Variants in SPECC1 observed in about 807,000 individuals in gnomAD.
SPECC1 encodes sperm antigen with calponin homology and coiled-coil domains 1.
SPECC1 carries 62 observed loss-of-function variants against 104.1 expected under a neutral mutation model. The ratio of observed to expected loss-of-function variants is 0.60; its 90% CI spans 0.49 to 0.74. SPECC1 has a LOEUF of 0.74. Among genes scored for constraint, SPECC1 ranks in the 30% least tolerant of loss-of-function variants. SPECC1 has a pLI of 0.00. For synonymous variants in SPECC1, 513 were observed against 501.6 expected, an observed-to-expected ratio of 1.02 and a Z score of -0.30; for missense variants, 1,306 against 1,310.5, an observed-to-expected ratio of 1.00 and a Z score of 0.05.
intron 1 of SPECC1, among the ~76,000 whole-genome samples, chr17:20,074,424 G>A (rs2046677190): frequency 6.6e-6 from 1 of 152,114 alleles, no homozygotes; most frequent in Non-Finnish European, 1.5e-5. Flanking sequence ...TCCCATCACA[G>A]GGCTGAAGAT....
chr17:20,108,110 A>G (rs1252197639), intron 2 of SPECC1, among the ~76,000 whole-genome samples: 3 of 152,116 alleles, frequency 2.0e-5, no homozygotes, highest in African/African-American at 7.2e-5. Context: ...CTGGAGATGG[A>G]TGGTGGTGAT....
At chr17:20,132,078 A>G (rs1244696234) in intron 3 of SPECC1, among the ~76,000 whole-genome samples, 4 of 152,032 alleles carry the variant, frequency 2.6e-5, no homozygotes, top group Non-Finnish European at 4.4e-5. Context: ...TTTCTGAGAA[A>G]TGTCCCTCTA....
chr17:20,188,761 C>T (rs1020197978), intron 3 of SPECC1, among the ~76,000 whole-genome samples: 2 of 152,162 alleles, frequency 1.3e-5, no homozygotes, highest in African/African-American at 2.4e-5. Flanking sequence ...GTGCTGTTAT[C>T]CTTCCTACAT....
intron 2 of SPECC1, among the ~76,000 whole-genome samples, chr17:20,110,034 C>T (rs1349293288): frequency 6.6e-6 from 1 of 152,112 alleles, no homozygotes; most frequent in Non-Finnish European, 1.5e-5. Context: ...GAGACAGAGT[C>T]TCACTGTTGC....
chr17:20,093,573 G>A (rs2047498294), intron 1 of SPECC1, among the ~76,000 whole-genome samples: 1 of 152,126 alleles, frequency 6.6e-6, no homozygotes, highest in African/African-American at 2.4e-5. Flanking sequence ...ATGACGGGAG[G>A]GATGTAGAAG....
chr17:20,238,838 A>G (rs2039060630), intron 7 of SPECC1: 10 of 1,045,420 alleles, frequency 9.6e-6, no homozygotes, highest in Non-Finnish European at 1.2e-5. Context: ...ACTGTTGAAT[A>G]TTTTTATCTG....
Position 20,096,658 on chromosome 17 carries a change from A to C in SPECC1, c.7A>C (p.Ser3Arg). 1.2e-6 allele frequency: 2 copies of C among 1,612,206 alleles called. No individual in the cohort carries two copies. The highest frequency in any genetic ancestry group is 1.7e-6 in the Non-Finnish European group (2 of 1,178,716). Residue 3 changes from serine to arginine, a missense_variant, in exon 2 of 15, where the codon AGT (serine) becomes CGT (arginine). Transcript: ENST00000395527. Reference sequence around the variant, plus strand: ...CAGACCCACGAAGTCAAGCATGCGGAGTGCAGCCAAGCCCTGGAACCCAGC... The same window carrying C: ...CAGACCCACGAAGTCAAGCATGCGGCGTGCAGCCAAGCCCTGGAACCCAGC... The part of the protein sequence containing the change: MR[S>R]AAKPWNPAIR...
intron 1 of SPECC1, among the ~76,000 whole-genome samples, chr17:20,015,949 C>G (rs888166165): frequency 6.7e-6 from 1 of 148,826 alleles, no homozygotes; most frequent in East Asian, 2.0e-4. Context: ...CAGTGGCTCA[C>G]GTCTGTAATC....
At chr17:20,112,759 G>A in intron 3 of SPECC1, 1 of 1,263,136 alleles carries the variant, frequency 7.9e-7, no homozygotes, top group Non-Finnish European at 1.2e-6. Context: ...TGAAAGGTGT[G>A]GATATGGAAG....
At chr17:20,111,591 C>CA (rs1419837597) in intron 3 of SPECC1, among the ~76,000 whole-genome samples, 1 of 152,026 alleles carries the variant, frequency 6.6e-6, no homozygotes, top group Non-Finnish European at 1.5e-5. Context: ...AAGCCCCACT[C>CA]AAAAAAAGAC....
At chr17:20,215,464 ATCTT>A (rs1035619952) in intron 4 of SPECC1, among the ~76,000 whole-genome samples, 3 of 152,226 alleles carry the variant, frequency 2.0e-5, no homozygotes, top group African/African-American at 7.2e-5. Flanking sequence ...TGAGTCAGGT[ATCTT>A]TCTTCTCCAC....
intron 12 of SPECC1, among the ~76,000 whole-genome samples, chr17:20,289,467 A>G (rs1379749561): frequency 6.6e-6 from 1 of 151,842 alleles, no homozygotes; most frequent in Admixed American, 6.6e-5. Flanking sequence ...ATGCCTGGCT[A>G]ATTTTTTGTA....
intron 1 of SPECC1, among the ~76,000 whole-genome samples, chr17:20,014,591 G>A (rs879283266): frequency 6.6e-6 from 1 of 152,098 alleles, no homozygotes; most frequent in Non-Finnish European, 1.5e-5. Context: ...AGGATTCTAC[G>A]TTAAAACCTT....
At chr17:20,139,455 T>C (rs1567871634) in intron 3 of SPECC1, among the ~76,000 whole-genome samples, 1 of 152,210 alleles carries the variant, frequency 6.6e-6, no homozygotes, top group African/African-American at 2.4e-5. Flanking sequence ...AAGTCCCTGC[T>C]CTCATGGATC....
rs1243399452 is a variant in SPECC1, at chr17:20,232,322, G to A, written c.2268G>A (p.Glu756=). 6.2e-7 allele frequency: 1 copy of A among 1,614,062 alleles called. No individual in the cohort carries two copies. The highest frequency in any genetic ancestry group is 1.3e-5 in the African/African-American group (1 of 74,944). ...CCGTGAAGAGGAAACTGCTGGAGGA[G>A]GAGGAGAAGAATGCCCGGTTGCAGA... ...LRTVKRKLLE[E]EEKNARLQKE... Residue 756 remains glutamate (E), a synonymous_variant, in exon 7 of 15, where the codon GAG becomes GAA. Transcript: ENST00000395527.
intron 1 of SPECC1, among the ~76,000 whole-genome samples, chr17:20,062,140 C>T (rs555103413): frequency 6.6e-6 from 1 of 151,548 alleles, no homozygotes; most frequent in South Asian, 2.1e-4. Flanking sequence ...GTAGTCCCAG[C>T]TACTCGAGAG....
intron 12 of SPECC1, among the ~76,000 whole-genome samples, chr17:20,293,487 G>T (rs1374798938): frequency 6.6e-6 from 1 of 152,292 alleles, no homozygotes. Context: ...TTGTTGTAGG[G>T]TTGCATTTGG....
chr17:20,294,855 A>G (rs762628842), intron 12 of SPECC1, among the ~76,000 whole-genome samples: 4 of 152,098 alleles, frequency 2.6e-5, no homozygotes, highest in Non-Finnish European at 5.9e-5. Flanking sequence ...GAAATCCTCT[A>G]CTGTTTTGAG....
rs189436322 is a variant in SPECC1 at position 20,027,630 on chromosome 17, A to G, written c.-22+18206A>G. ...TGGTGAGAGATAGGGGTCTAGTTTT[A>G]TTCTTCTGCATATCGATATCCAGTT... On this transcript the variant is annotated intron_variant, in intron 1 of 14. Transcript: ENST00000395527. 2.9e-3 allele frequency among the ~76,000 whole-genome samples: 446 copies of G among 152,242 alleles called. 3 individuals are homozygous for G. The highest frequency in any genetic ancestry group is 0.01 in the African/African-American group (419 of 41,552).
Sources: allele counts gnomAD v4.1 joint callset (sites outside exome capture counted in the v4.1 genomes callset), GRCh38; gene constraint gnomAD v4.1.1; transcripts MANE v1.5; gene names NCBI Gene and HGNC (gene_info 2026-07-23, HGNC 2026-07-21).